Variants in ZFAT observed in about 807,000 individuals in gnomAD.
ZFAT encodes the protein zinc finger and AT-hook domain containing.
ZFAT carries 64 observed loss-of-function variants against 117.7 expected under a neutral mutation model. The observed-to-expected ratio is 0.54, with a 90% CI of 0.44 to 0.67. The LOEUF is 0.67. Ranked by LOEUF, ZFAT falls within the 30% of genes least tolerant of loss-of-function variation. ZFAT has a pLI of 0.00. For synonymous variants in ZFAT, 679 were observed against 615.0 expected (o/e 1.10, Z -1.54); for missense variants, 1,433 against 1,584.5 (o/e 0.90, Z 1.62).
At chr8:134,612,794 T>A (rs552481374) in intron 3 of ZFAT, among the ~76,000 whole-genome samples, 1 of 152,284 alleles carries the variant, frequency 6.6e-6, no homozygotes, top group Non-Finnish European at 1.5e-5. Flanking sequence ...ACGGAAAAAG[T>A]CAAGACCATC....
At chr8:134,697,808 T>C (rs1833909296) in intron 1 of ZFAT, among the ~76,000 whole-genome samples, 1 of 148,012 alleles carries the variant, frequency 6.8e-6, no homozygotes, top group African/African-American at 2.5e-5. Flanking sequence ...CTTAAATCCC[T>C]GGGCTCAAGT....
At chr8:134,638,278 C>T (rs1187887627) in intron 2 of ZFAT, among the ~76,000 whole-genome samples, 2 of 152,100 alleles carry the variant, frequency 1.3e-5, no homozygotes, top group African/African-American at 4.8e-5. Context: ...AGTTTCCTAG[C>T]GACCTAGTGA....
the ZFAT span, among the ~76,000 whole-genome samples, chr8:134,772,305 G>C: frequency 6.6e-6 from 1 of 152,196 alleles, no homozygotes; most frequent in African/African-American, 2.4e-5. Flanking sequence ...TAGCCAACTT[G>C]TGAATGCAAA....
At chr8:134,755,229 C>A in the ZFAT span, among the ~76,000 whole-genome samples, 2 of 145,902 alleles carry the variant, frequency 1.4e-5, no homozygotes, top group African/African-American at 2.5e-5. Context: ...CATGGTGAAA[C>A]CCCGTCTCTA....
the ZFAT span, chr8:134,792,332 A>G: frequency 7.2e-5 from 11 of 152,182 alleles, no homozygotes; most frequent in Non-Finnish European, 1.3e-4. Context: ...AGTATCAATG[A>G]TTTAACTGTG....
the ZFAT span, among the ~76,000 whole-genome samples, chr8:134,788,153 T>C: frequency 7.9e-5 from 12 of 152,324 alleles, no homozygotes; most frequent in Non-Finnish European, 1.2e-4. Context: ...TTGTGTGTTA[T>C]TTCACTGACT....
At chr8:134,488,349 T>C (rs1817802622) in intron 15 of ZFAT, among the ~76,000 whole-genome samples, 1 of 152,220 alleles carries the variant, frequency 6.6e-6, no homozygotes, top group South Asian at 2.1e-4. Flanking sequence ...GAAAGGCCAG[T>C]GCTTGTGCTG....
chr8:134,535,842 A>G (rs902525080), intron 11 of ZFAT, among the ~76,000 whole-genome samples: 2 of 152,208 alleles, frequency 1.3e-5, no homozygotes, highest in Non-Finnish European at 2.9e-5. Flanking sequence ...TCTCTAAATA[A>G]GCAAATAACA....
chr8:134,712,682 A>T (rs1454442394), intron 1 of ZFAT, among the ~76,000 whole-genome samples, 163 bp downstream of exon 1: 3 of 146,018 alleles, frequency 2.1e-5, no homozygotes, highest in South Asian at 4.3e-4. Flanking sequence ...GCAGAACGCA[A>T]CTACGTTCGC....
the ZFAT span, among the ~76,000 whole-genome samples, chr8:134,761,975 T>G: frequency 8.6e-6 from 1 of 116,900 alleles, no homozygotes; most frequent in East Asian, 2.3e-4. Context: ...TCTCTCTTTC[T>G]CTCTGTATGT....
the ZFAT span, among the ~76,000 whole-genome samples, chr8:134,817,800 G>T: frequency 6.6e-6 from 1 of 152,122 alleles, no homozygotes; most frequent in African/African-American, 2.4e-5. Context: ...AATAATCAAC[G>T]CAGTGCAGCA....
At chr8:134,747,136 T>C in the ZFAT span, among the ~76,000 whole-genome samples, 1 of 152,190 alleles carries the variant, frequency 6.6e-6, no homozygotes, top group African/African-American at 2.4e-5. Flanking sequence ...TTGCCCAGGT[T>C]GGAGTGCAGT....
chr8:134,791,026 G>A, the ZFAT span, among the ~76,000 whole-genome samples: 10 of 152,214 alleles, frequency 6.6e-5, no homozygotes, highest in East Asian at 7.7e-4. Context: ...CTTCAAATGC[G>A]TCTGAATATA....
chr8:134,541,126 G>C (rs886290974), intron 11 of ZFAT, among the ~76,000 whole-genome samples: 1 of 152,180 alleles, frequency 6.6e-6, no homozygotes, highest in African/African-American at 2.4e-5. Flanking sequence ...TTTGGAGATA[G>C]CCATGCATAT....
the ZFAT span, among the ~76,000 whole-genome samples, chr8:134,817,876 T>C: frequency 6.6e-6 from 1 of 152,110 alleles, no homozygotes; most frequent in South Asian, 2.1e-4. Flanking sequence ...CTACTACATA[T>C]ATAAAGTCAA....
the ZFAT span, among the ~76,000 whole-genome samples, chr8:134,820,897 C>T: frequency 6.6e-6 from 1 of 152,154 alleles, no homozygotes. Context: ...TGTAATGTGT[C>T]TCGCCCCTGA....
chr8:134,712,874 C>T lies in ZFAT; in HGVS notation c.-11G>A, dbSNP rs1228479856. 116 of 1,509,046 alleles carry T rather than the reference C, an allele frequency of 7.7e-5. No homozygotes were observed. The highest frequency in any genetic ancestry group is 9.6e-5 in the Non-Finnish European group (108 of 1,129,292). The allele number at this position is 1,509,046 out of a possible 1,614,324, so 93.5% of individuals were successfully genotyped here. On this transcript the variant is annotated 5_prime_UTR_variant, in exon 1 of 16. Transcript: ENST00000377838. ...CGCCCGCGTCTCCATGGCAACGCCC[C>T]ACCGCGGAGGAAAAAAAAGCCTCGG... is the stretch of plus-strand genomic sequence containing the variant.
intron 11 of ZFAT, among the ~76,000 whole-genome samples, chr8:134,559,435 C>A (rs1050092694): frequency 6.6e-6 from 1 of 152,112 alleles, no homozygotes; most frequent in Non-Finnish European, 1.5e-5. Flanking sequence ...GTTTGTGTGC[C>A]CCATTGCCTA....
chr8:134,493,647 G>A (rs1479498986), intron 15 of ZFAT, among the ~76,000 whole-genome samples: 1 of 152,254 alleles, frequency 6.6e-6, no homozygotes, highest in Admixed American at 6.5e-5. Context: ...GCGGGGCAGG[G>A]GGCAGTGCCT....
Sources: gnomAD v4.1 joint callset for allele counts (sites outside exome capture counted in the v4.1 genomes callset) on GRCh38, gnomAD v4.1.1 for gene constraint, MANE v1.5 for transcripts, NCBI Gene and HGNC (gene_info 2026-07-23, HGNC 2026-07-21) for gene names.